Variants in DLG1 observed in about 807,000 individuals in gnomAD.
The protein encoded by DLG1 is disks large homolog 1.
DLG1 carries 42 observed loss-of-function variants against 123.4 expected under a neutral mutation model. The ratio of observed to expected loss-of-function variants is 0.34; its 90% CI spans 0.27 to 0.44. The LOEUF (loss-of-function observed/expected upper bound fraction) is 0.44, where lower values mean the gene tolerates loss of function less well. Among genes scored for constraint, DLG1 ranks in the 20% least tolerant of loss-of-function variants. The pLI, the probability that DLG1 is intolerant of heterozygous loss-of-function variation, is 1.00. For missense variants in DLG1, 942 were observed against 1,082.6 expected, an observed-to-expected ratio of 0.87 and a Z score of 1.82; for synonymous variants, 317 against 356.2, an observed-to-expected ratio of 0.89 and a Z score of 1.24.
At chr3:197,047,960 A>G (rs2148666143) in intron 24 of DLG1, among the ~76,000 whole-genome samples, 1 of 152,338 alleles carries the variant, frequency 6.6e-6, no homozygotes, top group South Asian at 2.1e-4. Context: ...ACAAAATGAA[A>G]AGGCAACCTA....
At chr3:197,113,136 TA>T (rs1327861191) in intron 13 of DLG1, among the ~76,000 whole-genome samples, 2 of 152,224 alleles carry the variant, frequency 1.3e-5, no homozygotes. Context: ...CACCATTTGT[TA>T]AAAAGATTTT....
intron 8 of DLG1, among the ~76,000 whole-genome samples, chr3:197,139,930 A>G (rs1683422497): frequency 6.6e-6 from 1 of 152,252 alleles, no homozygotes; most frequent in Non-Finnish European, 1.5e-5. Flanking sequence ...ATGTTATAAT[A>G]TCTAAGATAA....
chr3:197,227,338 G>T (rs576022600), intron 4 of DLG1, among the ~76,000 whole-genome samples: 6 of 152,128 alleles, frequency 3.9e-5, no homozygotes, highest in Non-Finnish European at 8.8e-5. Context: ...AGCCAGGCGT[G>T]GTGGTACGCA....
intron 5 of DLG1, among the ~76,000 whole-genome samples, chr3:197,180,203 TTAC>T (rs1809460951): frequency 6.6e-6 from 1 of 152,058 alleles, no homozygotes; most frequent in Non-Finnish European, 1.5e-5. Flanking sequence ...GTTCATATGA[TTAC>T]TACTGACATT....
chr3:197,083,086 T>C (rs528984036), intron 16 of DLG1, among the ~76,000 whole-genome samples: 2 of 152,332 alleles, frequency 1.3e-5, no homozygotes, highest in African/African-American at 4.8e-5. Context: ...AAAGTTATGC[T>C]GATTGCTGCA....
At chr3:197,055,391 T>C (rs1218076502) in intron 23 of DLG1, among the ~76,000 whole-genome samples, 1 of 152,248 alleles carries the variant, frequency 6.6e-6, no homozygotes, top group Non-Finnish European at 1.5e-5. Context: ...GGGCTATATT[T>C]TCCTGTTTCT....
chr3:197,234,879 G>GT (rs1022064777), intron 4 of DLG1, among the ~76,000 whole-genome samples: 10 of 152,168 alleles, frequency 6.6e-5, no homozygotes, highest in Admixed American at 3.3e-4. Context: ...CAAAAGTTAT[G>GT]TTTTTTAAGG....
At chr3:197,261,740 G>A (rs1364230165) in intron 4 of DLG1, among the ~76,000 whole-genome samples, 1 of 152,142 alleles carries the variant, frequency 6.6e-6, no homozygotes, top group Admixed American at 6.5e-5. Flanking sequence ...CAAATAGTAA[G>A]CATTATCAAT....
At chr3:197,158,278 G>A (rs1797211168) in intron 5 of DLG1, among the ~76,000 whole-genome samples, 1 of 151,952 alleles carries the variant, frequency 6.6e-6, no homozygotes, top group Non-Finnish European at 1.5e-5. Context: ...AAAAAGTGTT[G>A]GTGAGGATGT....
intron 15 of DLG1, among the ~76,000 whole-genome samples, chr3:197,088,962 A>G (rs1382807400): frequency 6.6e-6 from 1 of 152,212 alleles, no homozygotes; most frequent in Non-Finnish European, 1.5e-5. Flanking sequence ...TGTTTGGGTG[A>G]TGGTGATGAG....
intron 4 of DLG1, among the ~76,000 whole-genome samples, chr3:197,224,143 A>T (rs1234322189): frequency 1.3e-5 from 2 of 152,174 alleles, no homozygotes; most frequent in Non-Finnish European, 2.9e-5. Flanking sequence ...CATTTTCAAT[A>T]CAATATTTTC....
intron 13 of DLG1, 145 bp downstream of exon 13, chr3:197,115,782 T>C (rs1324962067): frequency 1.3e-6 from 1 of 778,068 alleles, no homozygotes. Flanking sequence ...TCTCTGACAC[T>C]ACAATTCTAC....
intron 6 of DLG1, among the ~76,000 whole-genome samples, chr3:197,148,261 A>AAAAAAAAAAAAAAAAAAAAAAAC (rs1792030659): frequency 6.9e-6 from 1 of 144,788 alleles, no homozygotes; most frequent in Non-Finnish European, 1.5e-5. Context: ...AAAAAAAAAA[A>AAAAAAAAAAAAAAAAAAAAAAAC]TAGCCAGTCA....
chr3:197,237,456 A>T (rs1746571147), intron 4 of DLG1, among the ~76,000 whole-genome samples: 1 of 152,254 alleles, frequency 6.6e-6, no homozygotes, highest in Non-Finnish European at 1.5e-5. Flanking sequence ...AGAAAGGGGC[A>T]GCCTAGCAAG....
At chr3:197,135,235 A>G (rs570749254) in intron 10 of DLG1, among the ~76,000 whole-genome samples, 138 of 152,292 alleles carry the variant, frequency 9.1e-4, no homozygotes, top group African/African-American at 3.2e-3. Flanking sequence ...TTATTGATTG[A>G]TATGGTATGG....
At chr3:197,104,577 G>C (rs1160831736) in intron 14 of DLG1, among the ~76,000 whole-genome samples, 1 of 152,106 alleles carries the variant, frequency 6.6e-6, no homozygotes, top group Non-Finnish European at 1.5e-5. Context: ...AGTTACTTGG[G>C]AGGCTGAGGC....
intron 23 of DLG1, among the ~76,000 whole-genome samples, chr3:197,055,692 T>C (rs776606431): frequency 6.6e-6 from 1 of 151,836 alleles, no homozygotes; most frequent in Non-Finnish European, 1.5e-5. Context: ...GGAAAAAAGG[T>C]GTGTGTGTGT....
At chr3:197,090,208 G>C (rs960163021) in intron 15 of DLG1, among the ~76,000 whole-genome samples, 2 of 151,600 alleles carry the variant, frequency 1.3e-5, no homozygotes, top group African/African-American at 4.9e-5. Context: ...TAATGTTACA[G>C]TAACAGTATA....
intron 13 of DLG1, among the ~76,000 whole-genome samples, chr3:197,111,059 G>A (rs1341005893): frequency 6.6e-6 from 1 of 152,118 alleles, no homozygotes; most frequent in Non-Finnish European, 1.5e-5. Flanking sequence ...TAAGTTTATT[G>A]ATCGGTCTAC....
Sources: allele counts gnomAD v4.1 joint callset (sites outside exome capture counted in the v4.1 genomes callset), GRCh38; gene constraint gnomAD v4.1.1; transcripts MANE v1.5; gene names NCBI Gene and HGNC (gene_info 2026-07-23, HGNC 2026-07-21).